Variants in ADAMTSL1 observed in about 807,000 individuals in gnomAD.
ADAMTSL1 encodes the protein ADAMTS like 1.
In ADAMTSL1, 126 loss-of-function variants were observed where a neutral mutation model predicts 201.8. That is an observed-to-expected ratio of 0.62 (90% CI 0.54 to 0.72). The LOEUF (loss-of-function observed/expected upper bound fraction) is 0.72. Among genes scored for constraint, ADAMTSL1 ranks in the 30% least tolerant of loss-of-function variants. ADAMTSL1 has a pLI of 0.00. For missense variants in ADAMTSL1, 2,679 were observed against 2,277.8 expected (o/e 1.18, Z -3.59); for synonymous variants, 1,121 against 903.4 (o/e 1.24, Z -4.32).
At chr9:18,643,937 G>A (rs1827612052) in intron 7 of ADAMTSL1, among the ~76,000 whole-genome samples, 1 of 151,680 alleles carries the variant, frequency 6.6e-6, no homozygotes, top group Non-Finnish European at 1.5e-5. Flanking sequence ...GAATTTTGAT[G>A]GAGATTCCAT....
At chr9:18,222,421 G>C (rs1830294197) in intron 2 of ADAMTSL1, among the ~76,000 whole-genome samples, 1 of 151,564 alleles carries the variant, frequency 6.6e-6, no homozygotes, top group Non-Finnish European at 1.5e-5. Flanking sequence ...CTTGGCAATT[G>C]TGACATACAT....
chr9:18,883,016 T>C (rs78032232), intron 23 of ADAMTSL1, among the ~76,000 whole-genome samples: 3,857 of 144,344 alleles, frequency 0.027, 116 homozygotes, highest in South Asian at 0.13. Context: ...AAAAAGAGGA[T>C]ATAGGTCAGG....
chr9:18,646,666 G>A (rs974787448), intron 7 of ADAMTSL1, among the ~76,000 whole-genome samples: 1 of 150,522 alleles, frequency 6.6e-6, no homozygotes, highest in African/African-American at 2.4e-5. Context: ...TTTTGTCTTT[G>A]GTTCTGTTTA....
intron 2 of ADAMTSL1, among the ~76,000 whole-genome samples, chr9:18,327,072 G>A (rs1010544424): frequency 5.3e-5 from 8 of 152,126 alleles, no homozygotes; most frequent in African/African-American, 9.7e-5. Flanking sequence ...AAAATTTAGC[G>A]AAAGCTGATA....
At chr9:18,052,079 CA>C (rs1206990193) in intron 1 of ADAMTSL1, among the ~76,000 whole-genome samples, 1 of 152,174 alleles carries the variant, frequency 6.6e-6, no homozygotes, top group Non-Finnish European at 1.5e-5. Flanking sequence ...TTAGAACAGG[CA>C]GAGTGCAAGT....
intron 24 of ADAMTSL1, among the ~76,000 whole-genome samples, chr9:18,889,235 T>G (rs1473048928): frequency 6.6e-6 from 1 of 152,222 alleles, no homozygotes; most frequent in African/African-American, 2.4e-5. Flanking sequence ...AGCCAATATC[T>G]TTAAAAATAA....
At chr9:18,800,148 G>A (rs528549915) in intron 20 of ADAMTSL1, among the ~76,000 whole-genome samples, 22 of 151,976 alleles carry the variant, frequency 1.4e-4, no homozygotes, top group Non-Finnish European at 2.6e-4. Context: ...AGGCTGAGGC[G>A]GGCAGATGGC....
At chr9:18,095,842 G>A (rs892308078) in intron 1 of ADAMTSL1, among the ~76,000 whole-genome samples, 2 of 152,146 alleles carry the variant, frequency 1.3e-5, no homozygotes, top group Non-Finnish European at 2.9e-5. Context: ...AGTGGGAAAT[G>A]GTATTTGAAG....
intron 2 of ADAMTSL1, among the ~76,000 whole-genome samples, chr9:18,340,772 G>C (rs986676085): frequency 6.6e-6 from 1 of 152,058 alleles, no homozygotes. Flanking sequence ...ATGTGCCTTT[G>C]CTCCACATTT....
Position 18,777,161 on chromosome 9 carries a change from G to C in ADAMTSL1, c.2932G>C (p.Glu978Gln). 1 of 1,612,974 alleles carries C rather than the reference G, an allele frequency of 6.2e-7. No individual in the cohort carries two copies. The highest frequency in any genetic ancestry group is 8.5e-7 in the Non-Finnish European group (1 of 1,179,810). ...VARPLSPRSEEEVLAGRKGGP... is the reference protein window; with the variant it reads ...VARPLSPRSEQEVLAGRKGGP... ...CCGGCCCTTGAGCCCGAGAAGTGAG[G>C]AAGAGGTGCTTGCGGGGAGGAAGGG... The change falls in exon 19 of 29, where the codon GAA (glutamate) becomes CAA (glutamine). Residue 978 changes from glutamate to glutamine, a missense_variant. Coordinates refer to ENST00000380548, the MANE Select transcript of ADAMTSL1 (RefSeq NM_001040272.6).
At chr9:18,017,619 G>A (rs910878561) in intron 1 of ADAMTSL1, among the ~76,000 whole-genome samples, 1 of 151,910 alleles carries the variant, frequency 6.6e-6, no homozygotes, top group Admixed American at 6.6e-5. Flanking sequence ...TGGAAATCCT[G>A]TCTTTAGAAT....
intron 1 of ADAMTSL1, among the ~76,000 whole-genome samples, chr9:17,977,640 T>C (rs905511973): frequency 7.2e-5 from 11 of 152,074 alleles, no homozygotes; most frequent in Admixed American, 2.0e-4. Flanking sequence ...ATATCAGTTG[T>C]AATGTCTCTT....
At chr9:18,583,693 C>A (rs1237079246) in intron 4 of ADAMTSL1, among the ~76,000 whole-genome samples, 1 of 152,176 alleles carries the variant, frequency 6.6e-6, no homozygotes, top group Non-Finnish European at 1.5e-5. Flanking sequence ...AGGCTGTGCC[C>A]TGCAGAGCCA....
chr9:18,409,318 G>A (rs765623726), intron 2 of ADAMTSL1, among the ~76,000 whole-genome samples: 2 of 149,802 alleles, frequency 1.3e-5, no homozygotes, highest in Non-Finnish European at 3.0e-5. Context: ...GGGAGGCAGA[G>A]GTTGCAGTGA....
At chr9:18,558,134 T>C (rs1202213079) in intron 3 of ADAMTSL1, among the ~76,000 whole-genome samples, 1 of 152,168 alleles carries the variant, frequency 6.6e-6, no homozygotes, top group East Asian at 1.9e-4. Context: ...ACATTAGTTA[T>C]TTCTCCTAAT....
rs1247657376 is a variant in ADAMTSL1, at chr9:18,217,958, T to C, written c.207+53977T>C. On this transcript the variant is annotated intron_variant, in intron 2 of 29. Transcript: ENST00000680146. Reference sequence around the variant, plus strand: ...TGTCTAATTGCCAACGGCTGGAATTTGAAGTTCTTTTTAGCAACCACCAAA... The same window carrying C: ...TGTCTAATTGCCAACGGCTGGAATTCGAAGTTCTTTTTAGCAACCACCAAA... Among the ~76,000 whole-genome samples, 11 of 152,242 alleles carry C rather than the reference T, an allele frequency of 7.2e-5. No homozygotes were observed. The East Asian group carries it at 7.7e-4, about 11-fold the overall frequency.
chr9:18,043,733 T>A (rs1821534911), intron 1 of ADAMTSL1, among the ~76,000 whole-genome samples: 1 of 152,054 alleles, frequency 6.6e-6, no homozygotes. Context: ...TGAGCAAATA[T>A]TTTCAGCTTG....
At chr9:18,234,832 C>A (rs6475205) in intron 2 of ADAMTSL1, among the ~76,000 whole-genome samples, 99,943 of 152,034 alleles carry the variant, frequency 0.66, 32,949 homozygotes, top group Middle Eastern at 0.7. Flanking sequence ...TAAAAGTATC[C>A]AATACCTTGC....
chr9:18,648,756 C>A (rs1036889039), intron 7 of ADAMTSL1, among the ~76,000 whole-genome samples: 18 of 148,186 alleles, frequency 1.2e-4, no homozygotes, highest in African/African-American at 3.9e-4. Context: ...CCGAGAGATC[C>A]GCTGTTAGTC....
Sources: allele counts gnomAD v4.1 joint callset (sites outside exome capture counted in the v4.1 genomes callset), GRCh38; gene constraint gnomAD v4.1.1; transcripts MANE v1.5; gene names NCBI Gene and HGNC (gene_info 2026-07-23, HGNC 2026-07-21).